The following TNIK variants were observed in gnomAD, a reference collection of about 807,000 sequenced individuals.
The protein encoded by TNIK is TRAF2 and NCK-interacting protein kinase.
TNIK carries 49 observed loss-of-function variants against 191.3 expected under a neutral mutation model. The observed-to-expected ratio is 0.26, with a 90% CI of 0.20 to 0.32. TNIK has a LOEUF of 0.32. Ranked by LOEUF, TNIK falls within the 10% of genes least tolerant of loss-of-function variation. The pLI is 1.00. For missense variants in TNIK, 1,155 were observed against 1,702.3 expected (o/e 0.68, Z 5.66); for synonymous variants, 594 against 600.9 (o/e 0.99, Z 0.17).
rs1487230165 is a variant in TNIK at position 171,212,147 on chromosome 3, G to C, written c.181-906C>G. On this transcript the variant is annotated intron_variant, in intron 3 of 32. Transcript: ENST00000436636. Reference sequence around the variant, plus strand: ...GCAAGATGTGACATTATCATGACCTGAAAAACTACCCATGGTGTCCCCTGT... The same window carrying C: ...GCAAGATGTGACATTATCATGACCTCAAAAACTACCCATGGTGTCCCCTGT... 3.3e-5 allele frequency among the ~76,000 whole-genome samples: 5 copies of C among 152,188 alleles called. No homozygotes were observed. In the East Asian group the frequency reaches 5.8e-4, roughly 18 times the overall value.
chr3:171,285,203 ATTT>A (rs761735372), intron 2 of TNIK, among the ~76,000 whole-genome samples: 3 of 152,308 alleles, frequency 2.0e-5, no homozygotes, highest in Non-Finnish European at 4.4e-5. Context: ...CAAGCTGATA[ATTT>A]TTTGATAAAA....
chr3:171,293,008 A>G (rs35686580), intron 2 of TNIK, among the ~76,000 whole-genome samples: 3,020 of 152,054 alleles, frequency 0.02, 44 homozygotes, highest in Middle Eastern at 0.037. Context: ...TCACCCCACT[A>G]AAGTCCTTTT....
At chr3:171,118,587 A>G (rs1424195220) in intron 18 of TNIK, among the ~76,000 whole-genome samples, 2 of 152,206 alleles carry the variant, frequency 1.3e-5, no homozygotes, top group Non-Finnish European at 2.9e-5. Flanking sequence ...GTACCAAAAC[A>G]GAGATATAGA....
At chr3:171,288,669 G>A (rs1560378465) in intron 2 of TNIK, among the ~76,000 whole-genome samples, 2 of 152,014 alleles carry the variant, frequency 1.3e-5, no homozygotes, top group South Asian at 4.2e-4. Flanking sequence ...TTAGCCTGGT[G>A]TGGTGGTGTG....
intron 22 of TNIK, among the ~76,000 whole-genome samples, chr3:171,097,360 C>T (rs1383739602): frequency 6.6e-6 from 1 of 152,146 alleles, no homozygotes; most frequent in Admixed American, 6.6e-5. Context: ...CATGAGGTTA[C>T]AGGTTAACAA....
intron 1 of TNIK, among the ~76,000 whole-genome samples, chr3:171,388,549 G>C (rs1216089633): frequency 1.3e-5 from 2 of 152,136 alleles, no homozygotes; most frequent in Non-Finnish European, 2.9e-5. Flanking sequence ...AGTGTCTTGG[G>C]GATGAACTGT....
At chr3:171,281,831 C>T (rs144109641) in intron 2 of TNIK, among the ~76,000 whole-genome samples, 48 of 152,296 alleles carry the variant, frequency 3.2e-4, no homozygotes, top group African/African-American at 1.1e-3. Context: ...TTTGAATGAG[C>T]TTTGGAAGTG....
At chr3:171,234,376 G>A (rs1485600522) in intron 2 of TNIK, among the ~76,000 whole-genome samples, 1 of 152,198 alleles carries the variant, frequency 6.6e-6, no homozygotes, top group Admixed American at 6.5e-5. Context: ...CTCTCCATAT[G>A]TGCAGAACTG....
chr3:171,188,881 A>C (rs1737686055), intron 6 of TNIK, 49 bp from the exon 7 acceptor site: 2 of 1,592,760 alleles, frequency 1.3e-6, no homozygotes, highest in Admixed American at 1.7e-5. Flanking sequence ...TAGGTTTTAG[A>C]TAGCGATAAA....
Position 171,172,266 on chromosome 3 carries a change from C to T in TNIK, c.773+2986G>A, listed in dbSNP as rs568144822. Among the ~76,000 whole-genome samples the T allele has an allele frequency of 6.4e-4, 98 of 152,250 alleles. 1 individual carries two copies. In the South Asian group the frequency reaches 0.018, roughly 29 times the overall value. On this transcript the variant is annotated intron_variant, in intron 9 of 32. Transcript: ENST00000436636. ...GTTCATGGCCCTGTCTCAACAATGG[C>T]GCCCCCTTTGGTCAGGTGTTGATAT...
intron 9 of TNIK, among the ~76,000 whole-genome samples, chr3:171,167,766 T>A (rs187159605): frequency 2.0e-5 from 3 of 152,288 alleles, no homozygotes; most frequent in Admixed American, 2.0e-4. Context: ...AGATGCAAGC[T>A]GGAGGAAAGT....
chr3:171,309,826 T>G (rs4894521), intron 2 of TNIK, among the ~76,000 whole-genome samples: 58,349 of 152,022 alleles, frequency 0.38, 11,582 homozygotes, highest in Non-Finnish European at 0.42. Context: ...TAAACATCCT[T>G]AAACTATTTT....
chr3:171,099,601 T>TAACA (rs372911900), intron 22 of TNIK, among the ~76,000 whole-genome samples: 7 of 152,036 alleles, frequency 4.6e-5, no homozygotes, highest in Non-Finnish European at 7.4e-5. Context: ...GACAAAGACC[T>TAACA]AACAAACAAT....
chr3:171,183,116 G>C (rs1326277472), intron 7 of TNIK, among the ~76,000 whole-genome samples: 2 of 152,172 alleles, frequency 1.3e-5, no homozygotes, highest in Non-Finnish European at 2.9e-5. Flanking sequence ...AGGGAGCTCT[G>C]GTACTCAGTG....
At chr3:171,444,882 T>C (rs1444616483) in intron 1 of TNIK, among the ~76,000 whole-genome samples, 1 of 152,104 alleles carries the variant, frequency 6.6e-6, no homozygotes, top group Non-Finnish European at 1.5e-5. Flanking sequence ...TTCTTTTTTA[T>C]TTTATTTTAT....
At chr3:171,135,641 C>G (rs548153236) in intron 15 of TNIK, among the ~76,000 whole-genome samples, 1 of 152,140 alleles carries the variant, frequency 6.6e-6, no homozygotes, top group Non-Finnish European at 1.5e-5. Flanking sequence ...TGTGGAAATG[C>G]GTGAAGCCCA....
chr3:171,272,806 ATTGT>A (rs1749277145), intron 2 of TNIK, among the ~76,000 whole-genome samples: 1 of 151,912 alleles, frequency 6.6e-6, no homozygotes, highest in Non-Finnish European at 1.5e-5. Context: ...ATTATTTTGA[ATTGT>A]TTGTCAGGCA....
chr3:171,441,081 C>G (rs1235356438), intron 1 of TNIK, among the ~76,000 whole-genome samples: 3 of 152,158 alleles, frequency 2.0e-5, no homozygotes. Context: ...ATCTATCTCT[C>G]CAGGTGTTGA....
chr3:171,243,074 C>T (rs775442647), intron 2 of TNIK, among the ~76,000 whole-genome samples: 1 of 152,124 alleles, frequency 6.6e-6, no homozygotes, highest in Admixed American at 6.5e-5. Flanking sequence ...CTTTTTAGCT[C>T]TCATGGTTTT....
Sources: gnomAD v4.1 joint callset for allele counts (sites outside exome capture counted in the v4.1 genomes callset) on GRCh38, gnomAD v4.1.1 for gene constraint, MANE v1.5 for transcripts, NCBI Gene and HGNC (gene_info 2026-07-23, HGNC 2026-07-21) for gene names.